PIK3CG: variants seen among roughly 807,000 people sequenced by gnomAD.
PIK3CG encodes phosphatidylinositol-4,5-bisphosphate 3-kinase catalytic subunit gamma, also known as phosphatidylinositol 4,5-bisphosphate 3-kinase catalytic subunit gamma isoform.
A neutral mutation model predicts 102.3 loss-of-function variants in PIK3CG; 55 were observed. The observed-to-expected ratio is 0.54, with a 90% CI of 0.43 to 0.67. The LOEUF is 0.67. Ranked by LOEUF, PIK3CG falls within the 30% of genes least tolerant of loss-of-function variation. PIK3CG has a pLI of 0.00. For synonymous variants in PIK3CG, 552 were observed against 540.0 expected, an observed-to-expected ratio of 1.02 and a Z score of -0.31; for missense variants, 1,258 against 1,391.8, an observed-to-expected ratio of 0.90 and a Z score of 1.53.
rs1377557048 is a variant in PIK3CG, at chr7:106,907,626, G to GA, written c.*2246dup. ...ATTGCTGAAATAATTTATTGATGAT[G>GA]AAAAAAAGATTAGAGAGGAATACAT... On this transcript the variant is annotated 3_prime_UTR_variant, in exon 11 of 11. Coordinates refer to ENST00000496166, the MANE Select transcript of PIK3CG (RefSeq NM_001282426.2). Among the ~76,000 whole-genome samples, 3 of 150,534 alleles carry GA rather than the reference G, an allele frequency of 2.0e-5. No individual in the cohort carries two copies. Among genetic ancestry groups the GA allele is most frequent in the South Asian group, 4.2e-4 (2 of 4,776 alleles).
chr7:106,900,671 G>T (rs187077774), intron 10 of PIK3CG, among the ~76,000 whole-genome samples: 1 of 152,190 alleles, frequency 6.6e-6, no homozygotes, highest in African/African-American at 2.4e-5. Flanking sequence ...GTGTGTTTAA[G>T]TGTGGTTTTG....
chr7:106,884,284 A>C lies in PIK3CG; in HGVS notation c.2872+18A>C. The C allele has an allele frequency of 3.4e-6, 5 of 1,463,200 alleles. No individual in the cohort carries two copies. Among genetic ancestry groups the C allele is most frequent in the Non-Finnish European group, 3.8e-6 (4 of 1,045,498 alleles). The allele number at this position is 1,463,200 out of a possible 1,614,324, so 90.6% of individuals were successfully genotyped here. On this transcript the variant is annotated intron_variant, in intron 9 of 10. Transcript: ENST00000496166. This position sits in a 1 kb window ranked among gnomAD's most constrained non-coding sequence, Gnocchi z 4.2. ...CGAGACAGGTGAGTTTATTTAGTGC[A>C]GAATAAACTTTTATTGTGGTAAAAT...
rs747460624 is a variant in PIK3CG at position 106,879,929 on chromosome 7, T to C, written c.2538+264T>C. On this transcript the variant is annotated intron_variant, in intron 6 of 10. Transcript: ENST00000496166. This position sits in a 1 kb window ranked among gnomAD's most constrained non-coding sequence, Gnocchi z 4.9. ...ATATACCTCCCTCACCTAATGTCTT[T>C]TTTATACACCCCATTCTAAGCTTGA... Among the ~76,000 whole-genome samples the C allele has an allele frequency of 6.6e-6, 1 of 152,210 alleles. No individual in the cohort carries two copies. The highest frequency in any genetic ancestry group is 2.1e-4 in the South Asian group (1 of 4,826).
chr7:106,902,267 G>A lies in PIK3CG; in HGVS notation c.3031-2842G>A, dbSNP rs2116610260. On this transcript the variant is annotated intron_variant, in intron 10 of 10. Coordinates refer to ENST00000496166, the MANE Select transcript of PIK3CG (RefSeq NM_001282426.2). This position sits in a 1 kb window ranked among gnomAD's most constrained non-coding sequence, Gnocchi z 4.3. ...CCTGTCTTGTGTCAAGCAATGCGGGGGGTGTGTGGGATGCACGGGAGACAC... is the reference window on the plus strand; with the variant it reads ...CCTGTCTTGTGTCAAGCAATGCGGGAGGTGTGTGGGATGCACGGGAGACAC... Among the ~76,000 whole-genome samples, 1 of 152,202 alleles carries A rather than the reference G, an allele frequency of 6.6e-6. No individual in the cohort carries two copies. The highest frequency in any genetic ancestry group is 1.9e-4 in the East Asian group (1 of 5,164).
At chr7:106,882,971 T>C in intron 7 of PIK3CG, 62 bp from the exon 8 acceptor site, 1 of 1,478,144 alleles carries the variant, frequency 6.8e-7, no homozygotes, top group Non-Finnish European at 9.3e-7. Context: ...GACATAGCCT[T>C]TCCTCCTCTG....
rs2116546045 is a variant in PIK3CG at position 106,883,155 on chromosome 7, G to A, written c.2752G>A (p.Glu918Lys). The stretch of plus-strand genomic sequence containing the variant: ...CTGGCTCAAAGAAAAATCCCCTACT[G>A]AAGAAAAGGTGAGCTCATGCTTTTT... Reference protein sequence around the residue: ...NHWLKEKSPTEEKFQAAVERF... With the variant: ...NHWLKEKSPTKEKFQAAVERF... Residue 918 changes from glutamate to lysine, a missense_variant, in exon 8 of 11, where the codon GAA becomes AAA. This residue lies in a region of PIK3CG where 426 missense variants were observed against 604.2 expected (regional missense o/e 0.71). Transcript: ENST00000496166. The surrounding 1 kb of genome is among the most constrained non-coding windows in gnomAD (Gnocchi z 5.8). 6.2e-7 allele frequency: 1 copy of A among 1,614,072 alleles called. No homozygotes were observed. The highest frequency in any genetic ancestry group is 8.5e-7 in the Non-Finnish European group (1 of 1,179,962).
Position 106,869,947 on chromosome 7 carries a change from T to G in PIK3CG, c.1995+391T>G, listed in dbSNP as rs976137478. Among the ~76,000 whole-genome samples the G allele has an allele frequency of 6.6e-6, 1 of 152,172 alleles. No individual in the cohort carries two copies. The highest frequency in any genetic ancestry group is 1.5e-5 in the Non-Finnish European group (1 of 68,030). ...CCAATAACTATGATGGAGGTCAAAT[T>G]GACATTTGCACTTTTTACATGAGGA... On this transcript the variant is annotated intron_variant, in intron 2 of 10. Transcript: ENST00000496166. This position sits in a 1 kb window ranked among gnomAD's most constrained non-coding sequence, Gnocchi z 5.3.
rs572740308 is a variant in PIK3CG at position 106,885,539 on chromosome 7, T to C, written c.2873-596T>C. ...TACTTCCTATGAGAATTAAAAGAGA[T>C]AATATATTTATGGACAATAGAAATG... On this transcript the variant is annotated intron_variant, in intron 9 of 10. Transcript: ENST00000496166. 6.6e-5 allele frequency among the ~76,000 whole-genome samples: 10 copies of C among 152,206 alleles called. No individual in the cohort carries two copies. In the South Asian group the frequency reaches 2.1e-3, roughly 32 times the overall value.
rs1268037255 is a variant in PIK3CG, at chr7:106,867,741, C to T, written c.180C>T (p.His60=). ...KCKSPETALL[H]VAGHGNVEQM... ...AGAGCCCCGAAACGGCGCTGCTGCACGTGGCCGGCCACGGCAACGTGGAGC... is the reference window on the plus strand; with the variant it reads ...AGAGCCCCGAAACGGCGCTGCTGCATGTGGCCGGCCACGGCAACGTGGAGC... The change falls in exon 2 of 11, where the codon CAC becomes CAT. Residue 60 remains histidine, a synonymous_variant. Coordinates refer to ENST00000496166, the MANE Select transcript of PIK3CG (RefSeq NM_001282426.2). The surrounding 1 kb of genome is among the most constrained non-coding windows in gnomAD (Gnocchi z 5.1). The T allele has an allele frequency of 6.2e-7, 1 of 1,613,004 alleles. No individual in the cohort carries two copies. Among genetic ancestry groups the T allele is most frequent in the Non-Finnish European group, 8.5e-7 (1 of 1,179,862 alleles).
chr7:106,885,561 A>C (rs1203137463), intron 9 of PIK3CG, among the ~76,000 whole-genome samples: 1 of 152,128 alleles, frequency 6.6e-6, no homozygotes, highest in Admixed American at 6.5e-5. Context: ...GGACAATAGA[A>C]ATGATAAAGG....
Position 106,868,301 on chromosome 7 carries a change from G to A in PIK3CG, c.740G>A (p.Ser247Asn), listed in dbSNP as rs374827875. 7 of 1,614,084 alleles carry A rather than the reference G, an allele frequency of 4.3e-6. No individual in the cohort carries two copies. The African/African-American group carries it at 9.3e-5, about 22-fold the overall frequency. Residue 247 changes from serine (S) to asparagine (N), a missense_variant, in exon 2 of 11, where the codon AGC becomes AAC. Physicochemically the swap from Ser to Asn is conservative, Grantham distance 46 (BLOSUM62 1). Coordinates refer to ENST00000496166, the MANE Select transcript of PIK3CG (RefSeq NM_001282426.2). This position sits in a 1 kb window ranked among gnomAD's most constrained non-coding sequence, Gnocchi z 6.2. ...PDDTPGAILQ[S>N]FFTKMAKKKS... Reference sequence around the variant, plus strand: ...GACACCCCCGGCGCCATCCTGCAGAGCTTCTTCACCAAGATGGCCAAGAAG... The same window carrying A: ...GACACCCCCGGCGCCATCCTGCAGAACTTCTTCACCAAGATGGCCAAGAAG...
intron 5 of PIK3CG, among the ~76,000 whole-genome samples, chr7:106,876,747 C>A (rs979015987): frequency 6.6e-6 from 1 of 152,066 alleles, no homozygotes; most frequent in Admixed American, 6.6e-5. Context: ...GATACAAATT[C>A]TTTATCAGAT....
In PIK3CG at chr7:106,903,817, G is replaced by A. The variant is rs1324514737; in HGVS notation, c.3031-1292G>A. On this transcript the variant is annotated intron_variant, in intron 10 of 10. Transcript: ENST00000496166. The surrounding 1 kb of genome is among the most constrained non-coding windows in gnomAD (Gnocchi z 4.3). ...TCTGTTGCCTACTTTGGAGTGCAGTGGAGTGATCTCAGCTCACTGCAACCT... is the reference window on the plus strand; with the variant it reads ...TCTGTTGCCTACTTTGGAGTGCAGTAGAGTGATCTCAGCTCACTGCAACCT... Among the ~76,000 whole-genome samples the A allele has an allele frequency of 6.6e-6, 1 of 151,844 alleles. No individual in the cohort carries two copies. Among genetic ancestry groups the A allele is most frequent in the Non-Finnish European group, 1.5e-5 (1 of 67,998 alleles).
intron 5 of PIK3CG, among the ~76,000 whole-genome samples, chr7:106,875,816 A>G (rs985095356): frequency 6.6e-6 from 1 of 151,896 alleles, no homozygotes; most frequent in Non-Finnish European, 1.5e-5. Context: ...ATTTTTCCAA[A>G]GTGGTTATAC....
At chr7:106,876,396 CTT>C (rs201148654) in intron 5 of PIK3CG, among the ~76,000 whole-genome samples, 1 of 142,826 alleles carries the variant, frequency 7.0e-6, no homozygotes. Flanking sequence ...GGGTTGCCTT[CTT>C]TTTTTTTTTT....
rs746046648 is a variant in PIK3CG at position 106,869,382 on chromosome 7, A to T, written c.1821A>T (p.Thr607=). 6.2e-7 allele frequency: 1 copy of T among 1,614,268 alleles called. No homozygotes were observed. The highest frequency in any genetic ancestry group is 8.5e-7 in the Non-Finnish European group (1 of 1,180,046). The change falls in exon 2 of 11, where the codon ACA becomes ACT. Residue 607 remains threonine, a synonymous_variant. Transcript: ENST00000496166. The surrounding 1 kb of genome is among the most constrained non-coding windows in gnomAD (Gnocchi z 5.3). ...GACAGCAAGAAATTGTGGCCAAAAC[A>T]TACCAATTGTTGGCCAGAAGGGAAG... ...KWGQQEIVAK[T]YQLLARREVW... is the part of the protein sequence containing the mutation.
chr7:106,907,637 T>G lies in PIK3CG; in HGVS notation c.*2250T>G, dbSNP rs1188710741. Among the ~76,000 whole-genome samples the G allele has an allele frequency of 6.7e-6, 1 of 149,938 alleles. No individual in the cohort carries two copies. Among genetic ancestry groups the G allele is most frequent in the Non-Finnish European group, 1.5e-5 (1 of 67,338 alleles). On this transcript the variant is annotated 3_prime_UTR_variant, in exon 11 of 11. Coordinates refer to ENST00000496166, the MANE Select transcript of PIK3CG (RefSeq NM_001282426.2). ...AATTTATTGATGATGAAAAAAAGAT[T>G]AGAGAGGAATACATTTATATTTAGC...
Position 106,892,493 on chromosome 7 carries a change from C to G in PIK3CG, c.3030+6201C>G, listed in dbSNP as rs1193930477. On this transcript the variant is annotated intron_variant, in intron 10 of 10. Transcript: ENST00000496166. This position sits in a 1 kb window ranked among gnomAD's most constrained non-coding sequence, Gnocchi z 5.2. ...TTGGCCCCTTTCAAATACAGTTGTT[C>G]CCTAATTCATCCTGATTTTAAAGTA... is the stretch of plus-strand genomic sequence containing the variant. 6.6e-6 allele frequency among the ~76,000 whole-genome samples: 1 copy of G among 152,230 alleles called. No individual in the cohort carries two copies. The highest frequency in any genetic ancestry group is 2.4e-5 in the African/African-American group (1 of 41,466).
chr7:106,902,451 C>A lies in PIK3CG; in HGVS notation c.3031-2658C>A, dbSNP rs1159042246. On this transcript the variant is annotated intron_variant, in intron 10 of 10. Transcript: ENST00000496166. The surrounding 1 kb of genome is among the most constrained non-coding windows in gnomAD (Gnocchi z 4.3). ...TATAAGCACTTTAAAGCTTTTGATG[C>A]ATGTTAATCAAATTACCTGCTGGTA... 6.6e-6 allele frequency among the ~76,000 whole-genome samples: 1 copy of A among 151,894 alleles called. No individual in the cohort carries two copies.
Sources: allele counts gnomAD v4.1 joint callset (sites outside exome capture counted in the v4.1 genomes callset), GRCh38; gene constraint gnomAD v4.1.1; regional missense constraint gnomAD v4.1.1; non-coding constraint Gnocchi (gnomAD v3.1); transcripts MANE v1.5; gene names NCBI Gene and HGNC (gene_info 2026-07-23, HGNC 2026-07-21).